Variants in FMNL2 observed in about 807,000 individuals in gnomAD.
FMNL2 encodes the protein formin-like protein 2.
Under a neutral mutation model 130.2 loss-of-function variants are expected in FMNL2, and 51 were observed. The observed-to-expected ratio is 0.39, with a 90% CI of 0.31 to 0.49. The LOEUF is 0.49. FMNL2 is among the 20% of genes least tolerant of loss of function. The pLI is 0.85. For missense variants in FMNL2, 977 were observed against 1,316.2 expected, an observed-to-expected ratio of 0.74 and a Z score of 3.99; for synonymous variants, 465 against 467.1, an observed-to-expected ratio of 1.00 and a Z score of 0.06.
rs5835439 is a variant in FMNL2 at position 152,619,552 on chromosome 2, G to GCCACC, written c.1673_1674insACCCC (p.Pro561LeufsTer29). On this transcript the variant is annotated frameshift_variant, in exon 15 of 26. Transcript: ENST00000288670. LOFTEE classifies it high-confidence loss of function. ...CACCACCTATGCCACCGCCGCCGCCGCCCCCTCCTCCACCTCCTCCTCCCC... is the reference window on the plus strand; with the variant it reads ...CACCACCTATGCCACCGCCGCCGCCGCCACCCCCCCTCCTCCACCTCCTCCTCCCC... 1 of 1,417,696 alleles carries GCCACC rather than the reference G, an allele frequency of 7.1e-7. No individual in the cohort carries two copies. Among genetic ancestry groups the GCCACC allele is most frequent in the South Asian group, 1.3e-5 (1 of 79,020 alleles). 87.8% of individuals were successfully genotyped at this position (1,417,696 alleles called of 1,614,324 possible). A position where few individuals can be genotyped will look rare whatever the true frequency, so the allele number is the denominator to read the frequency against.
chr2:152,535,957 TG>T (rs1201297883), intron 2 of FMNL2, among the ~76,000 whole-genome samples: 1 of 152,256 alleles, frequency 6.6e-6, no homozygotes, highest in Non-Finnish European at 1.5e-5. Context: ...ATTTTTATTT[TG>T]GGGGAAACAA....
intron 23 of FMNL2, among the ~76,000 whole-genome samples, chr2:152,638,410 G>A (rs1040135486): frequency 2.0e-5 from 3 of 152,206 alleles, no homozygotes; most frequent in African/African-American, 7.2e-5. Context: ...GGAGGTAGGA[G>A]GAATGTTTAT....
intron 1 of FMNL2, among the ~76,000 whole-genome samples, chr2:152,475,376 C>T (rs1472369962): frequency 6.6e-6 from 1 of 152,214 alleles, no homozygotes; most frequent in Non-Finnish European, 1.5e-5. Context: ...GATAGATGTC[C>T]AACCTCTTAG....
intron 1 of FMNL2, among the ~76,000 whole-genome samples, chr2:152,450,309 A>C (rs35455499): frequency 0.13 from 20,472 of 152,132 alleles, 2,242 homozygotes; most frequent in African/African-American, 0.27. Flanking sequence ...CAAATCAACA[A>C]CAGTTTCCCT....
At chr2:152,636,739 G>A (rs1167023240) in intron 22 of FMNL2, 149 bp downstream of exon 22, 8 of 1,005,802 alleles carry the variant, frequency 8.0e-6, no homozygotes, top group Non-Finnish European at 9.9e-6. Context: ...ATTACGGGGG[G>A]ACCATTCCCA....
At chr2:152,429,215 CAAAA>C (rs3047928) in intron 1 of FMNL2, among the ~76,000 whole-genome samples, 25 of 95,766 alleles carry the variant, frequency 2.6e-4, no homozygotes, top group African/African-American at 4.7e-4. Flanking sequence ...CTTAGAGGAA[CAAAA>C]AAAAAAAAAA....
intron 1 of FMNL2, among the ~76,000 whole-genome samples, chr2:152,370,322 T>C (rs1683802570): frequency 6.6e-6 from 1 of 152,120 alleles, no homozygotes; most frequent in African/African-American, 2.4e-5. Flanking sequence ...CGGGGTCTCT[T>C]TTTATAAGGG....
rs961080971 is a variant in FMNL2 at position 152,621,003 on chromosome 2, A to G, written c.1837+1285A>G. The G allele has an allele frequency of 4.1e-6, 4 of 985,318 alleles. No individual in the cohort carries two copies. In the African/African-American group the frequency reaches 7.0e-5, roughly 17 times the overall value. 61.0% of individuals were successfully genotyped at this position (985,318 alleles called of 1,614,324 possible). On this transcript the variant is annotated intron_variant, in intron 15 of 25. Transcript: ENST00000288670. ...GAAGGAGAAAAGTTGGAGCAGAGTC[A>G]TCGTGGAACTGATGGACTATGGAAT...
intron 9 of FMNL2, among the ~76,000 whole-genome samples, chr2:152,593,952 T>C (rs991909994): frequency 6.7e-6 from 1 of 148,986 alleles, no homozygotes; most frequent in African/African-American, 2.5e-5. Context: ...ATGGGGATTG[T>C]AACTAAGTAA....
intron 1 of FMNL2, among the ~76,000 whole-genome samples, chr2:152,518,048 A>G (rs1692876349): frequency 6.6e-6 from 1 of 152,162 alleles, no homozygotes; most frequent in Non-Finnish European, 1.5e-5. Flanking sequence ...TAGAGCCAAT[A>G]TTTTCCTCAC....
rs2105996951 is a variant in FMNL2, at chr2:152,647,664, G to T, written c.3170-132G>T. On this transcript the variant is annotated intron_variant, in intron 25 of 25. Coordinates refer to ENST00000288670, the MANE Select transcript of FMNL2 (RefSeq NM_052905.4). Reference sequence around the variant, plus strand: ...TTTTATGTCTTTGATTCAATGCTCAGTGAGTTTGAAGGGCCCATTAGCTGA... The same window carrying T: ...TTTTATGTCTTTGATTCAATGCTCATTGAGTTTGAAGGGCCCATTAGCTGA... 3 of 770,400 alleles carry T rather than the reference G, an allele frequency of 3.9e-6. No homozygotes were observed. In the Admixed American group the frequency reaches 5.7e-5, roughly 15 times the overall value. 47.7% of individuals were successfully genotyped at this position (770,400 alleles called of 1,614,324 possible).
intron 1 of FMNL2, among the ~76,000 whole-genome samples, chr2:152,503,051 G>C (rs1386957021): frequency 2.0e-5 from 3 of 152,168 alleles, no homozygotes; most frequent in Non-Finnish European, 4.4e-5. Context: ...AGTCTCAGGT[G>C]CTTCTGTATC....
intron 2 of FMNL2, among the ~76,000 whole-genome samples, chr2:152,539,035 T>G (rs181034407): frequency 6.6e-6 from 1 of 152,294 alleles, no homozygotes; most frequent in East Asian, 1.9e-4. Context: ...AGTCTTCCAT[T>G]ACCCACACTT....
At chr2:152,586,160 C>T (rs1029255186) in intron 9 of FMNL2, among the ~76,000 whole-genome samples, 1 of 152,128 alleles carries the variant, frequency 6.6e-6, no homozygotes, top group African/African-American at 2.4e-5. Flanking sequence ...GCAAAAAAGC[C>T]TGAGTTTGGT....
intron 21 of FMNL2, among the ~76,000 whole-genome samples, chr2:152,635,734 A>G (rs1682544417): frequency 6.6e-6 from 1 of 152,206 alleles, no homozygotes; most frequent in Admixed American, 6.5e-5. Flanking sequence ...GGGAGGGGCC[A>G]CACTGCAGAC....
intron 11 of FMNL2, among the ~76,000 whole-genome samples, chr2:152,614,116 T>A (rs1267074487): frequency 6.6e-6 from 1 of 152,212 alleles, no homozygotes; most frequent in African/African-American, 2.4e-5. Flanking sequence ...CTTCCCCTAC[T>A]GGAACCACTG....
At chr2:152,582,969 A>G (rs959397448) in intron 9 of FMNL2, among the ~76,000 whole-genome samples, 7 of 152,194 alleles carry the variant, frequency 4.6e-5, no homozygotes, top group Admixed American at 1.3e-4. Context: ...GAGATGAATG[A>G]TAATATTTTT....
intron 1 of FMNL2, among the ~76,000 whole-genome samples, chr2:152,420,087 A>G (rs1381996693): frequency 6.6e-6 from 1 of 152,218 alleles, no homozygotes. Context: ...AGTTTTACCA[A>G]AAGGCTAAAG....
intron 9 of FMNL2, among the ~76,000 whole-genome samples, chr2:152,589,046 C>T (rs1697238572): frequency 3.3e-5 from 5 of 150,142 alleles, no homozygotes; most frequent in South Asian, 4.2e-4. Flanking sequence ...CATCAGCTGC[C>T]GTATTCATTT....
Sources: gnomAD v4.1 joint callset for allele counts (sites outside exome capture counted in the v4.1 genomes callset) on GRCh38, gnomAD v4.1.1 for gene constraint, MANE v1.5 for transcripts, NCBI Gene and HGNC (gene_info 2026-07-23, HGNC 2026-07-21) for gene names.